The following ASIC2 variants were observed in gnomAD, a reference collection of about 807,000 sequenced individuals.
ASIC2 encodes the protein acid-sensing ion channel 2.
A neutral mutation model predicts 57.3 loss-of-function variants in ASIC2; 25 were observed. The observed-to-expected ratio is 0.44, with a 90% CI of 0.32 to 0.61. ASIC2 has a LOEUF of 0.61. Among genes scored for constraint, ASIC2 ranks in the 20% least tolerant of loss-of-function variants. The pLI is 0.06. For missense variants in ASIC2, 641 were observed against 738.1 expected (o/e 0.87, Z 1.52); for synonymous variants, 319 against 307.5 (o/e 1.04, Z -0.39).
intron 1 of ASIC2, among the ~76,000 whole-genome samples, chr17:33,341,020 G>T (rs1296520097): frequency 6.6e-6 from 1 of 152,158 alleles, no homozygotes; most frequent in Non-Finnish European, 1.5e-5. Context: ...CATTTAAACT[G>T]CAGTTGACAA....
chr17:33,799,103 A>G (rs1034059416), intron 1 of ASIC2, among the ~76,000 whole-genome samples: 1 of 152,174 alleles, frequency 6.6e-6, no homozygotes, highest in African/African-American at 2.4e-5. Flanking sequence ...TTGACCTCCA[A>G]CTTAGTTCTT....
intron 1 of ASIC2, among the ~76,000 whole-genome samples, chr17:33,475,001 C>T (rs1913173342): frequency 6.6e-6 from 1 of 152,100 alleles, no homozygotes; most frequent in African/African-American, 2.4e-5. Flanking sequence ...CAATCCTCTC[C>T]AGGATGGTTT....
intron 1 of ASIC2, among the ~76,000 whole-genome samples, chr17:33,790,663 AT>A (rs1911743212): frequency 6.6e-6 from 1 of 152,046 alleles, no homozygotes; most frequent in Non-Finnish European, 1.5e-5. Flanking sequence ...GCATAAGCTG[AT>A]TTATTATAAT....
chr17:34,129,788 T>C (rs1911897735), intron 1 of ASIC2, among the ~76,000 whole-genome samples: 1 of 152,214 alleles, frequency 6.6e-6, no homozygotes, highest in Non-Finnish European at 1.5e-5. Context: ...TCCAATCTTC[T>C]TGGATCCCCA....
intron 1 of ASIC2, among the ~76,000 whole-genome samples, chr17:33,114,603 G>A (rs1303308252): frequency 6.6e-6 from 1 of 152,242 alleles, no homozygotes; most frequent in African/African-American, 2.4e-5. Context: ...GGGTTAGAGA[G>A]TAGTGTGGAC....
intron 1 of ASIC2, among the ~76,000 whole-genome samples, chr17:33,683,806 T>G (rs1239050984): frequency 6.6e-6 from 1 of 152,188 alleles, no homozygotes; most frequent in Non-Finnish European, 1.5e-5. Context: ...AGATTACCAC[T>G]GTGCCCCGTC....
chr17:33,260,119 G>T (rs1909225516), intron 1 of ASIC2, among the ~76,000 whole-genome samples: 1 of 152,148 alleles, frequency 6.6e-6, no homozygotes, highest in Non-Finnish European at 1.5e-5. Context: ...AGCCTGGGCA[G>T]CAAAGTGAGA....
intron 3 of ASIC2, among the ~76,000 whole-genome samples, chr17:33,070,041 C>A (rs910162541): frequency 6.6e-6 from 1 of 152,096 alleles, no homozygotes. Flanking sequence ...TTTCAGTTTG[C>A]TCTTTTAGTG....
chr17:33,017,362 G>A (rs1478104605), intron 8 of ASIC2, among the ~76,000 whole-genome samples: 1 of 152,116 alleles, frequency 6.6e-6, no homozygotes, highest in African/African-American at 2.4e-5. Flanking sequence ...AGATGGCCCA[G>A]TGCTGTTCCA....
chr17:33,043,012 C>T (rs1048826607), intron 3 of ASIC2, among the ~76,000 whole-genome samples: 4 of 151,822 alleles, frequency 2.6e-5, no homozygotes, highest in Admixed American at 2.0e-4. Context: ...CCTCAAGCTC[C>T]GCCTCCCAGG....
At chr17:33,433,785 C>T (rs1034490579) in intron 1 of ASIC2, among the ~76,000 whole-genome samples, 1 of 151,770 alleles carries the variant, frequency 6.6e-6, no homozygotes, top group Non-Finnish European at 1.5e-5. Flanking sequence ...ACAAAAAAAC[C>T]CCTAGGTGAC....
chr17:33,782,084 T>C (rs1036182829), intron 1 of ASIC2, among the ~76,000 whole-genome samples: 1 of 152,190 alleles, frequency 6.6e-6, no homozygotes, highest in Non-Finnish European at 1.5e-5. Flanking sequence ...TGATCGGTGG[T>C]TTGCAGATAT....
At chr17:33,403,983 T>C (rs779728953) in intron 1 of ASIC2, among the ~76,000 whole-genome samples, 2 of 152,246 alleles carry the variant, frequency 1.3e-5, no homozygotes, top group Non-Finnish European at 2.9e-5. Flanking sequence ...TCTAGCTTAG[T>C]GCAATGCTTA....
intron 1 of ASIC2, among the ~76,000 whole-genome samples, chr17:33,167,003 T>C (rs1905329696): frequency 6.6e-6 from 1 of 152,204 alleles, no homozygotes; most frequent in Admixed American, 6.5e-5. Flanking sequence ...GCCAGCAATG[T>C]CTGTCTCATT....
intron 1 of ASIC2, among the ~76,000 whole-genome samples, chr17:33,246,231 G>C (rs1340032089): frequency 6.6e-6 from 1 of 152,052 alleles, no homozygotes; most frequent in East Asian, 1.9e-4. Flanking sequence ...GTGGTGGTGG[G>C]GGGAAGGGAG....
At chr17:33,116,641 G>T (rs1273608187) in intron 1 of ASIC2, among the ~76,000 whole-genome samples, 1 of 152,146 alleles carries the variant, frequency 6.6e-6, no homozygotes, top group Non-Finnish European at 1.5e-5. Flanking sequence ...GGAATGGTGG[G>T]GGGTGGGGGC....
chr17:33,623,296 C>G (rs1427875183), intron 1 of ASIC2, among the ~76,000 whole-genome samples: 1 of 151,972 alleles, frequency 6.6e-6, no homozygotes, highest in African/African-American at 2.4e-5. Flanking sequence ...GAGTCTCTCT[C>G]TGTCACCAGG....
Position 33,708,183 on chromosome 17 carries a change from A to T in ASIC2, c.555+447795T>A, listed in dbSNP as rs191332812. ...AACCAATTCTTTACTTTTAAGCTCC[A>T]TCCACACCTTAATTTTTGAAGACAT... On this transcript the variant is annotated intron_variant, in intron 1 of 9. Transcript: ENST00000359872. Among the ~76,000 whole-genome samples, 481 of 152,290 alleles carry T rather than the reference A, an allele frequency of 3.2e-3. 14 individuals carry two copies. The highest frequency in any genetic ancestry group is 5.6e-4 in the Non-Finnish European group (38 of 68,026).
intron 1 of ASIC2, among the ~76,000 whole-genome samples, chr17:34,146,282 A>G (rs1912415515): frequency 6.6e-6 from 1 of 152,106 alleles, no homozygotes; most frequent in Non-Finnish European, 1.5e-5. Context: ...TGAAAAAGGT[A>G]TTTTTTTCTT....
Sources: gnomAD v4.1 joint callset for allele counts (sites outside exome capture counted in the v4.1 genomes callset) on GRCh38, gnomAD v4.1.1 for gene constraint, MANE v1.5 for transcripts, NCBI Gene and HGNC (gene_info 2026-07-23, HGNC 2026-07-21) for gene names.